The following CDC14A variants were observed in gnomAD, a reference collection of about 807,000 sequenced individuals.
The protein encoded by CDC14A is dual specificity protein phosphatase CDC14A.
Under a neutral mutation model 74.4 loss-of-function variants are expected in CDC14A, and 53 were observed. That is an observed-to-expected ratio of 0.71 (90% CI 0.57 to 0.89). CDC14A has a LOEUF of 0.89. CDC14A is among the 40% of genes least tolerant of loss of function. CDC14A has a pLI of 0.00. For missense variants in CDC14A, 646 were observed against 713.7 expected (o/e 0.91, Z 1.08); for synonymous variants, 247 against 258.4 (o/e 0.96, Z 0.43).
intron 3 of CDC14A, among the ~76,000 whole-genome samples, chr1:100,383,903 T>C (rs1322645447): frequency 6.6e-6 from 1 of 152,216 alleles, no homozygotes; most frequent in Non-Finnish European, 1.5e-5. Context: ...TCTTTTTTTT[T>C]TTTGGCTTTG....
chr1:100,429,720 T>C (rs1663415281), intron 5 of CDC14A, among the ~76,000 whole-genome samples: 1 of 143,850 alleles, frequency 7.0e-6, no homozygotes, highest in Non-Finnish European at 1.5e-5. Context: ...TATTTATATA[T>C]ATATTATATA....
intron 8 of CDC14A, among the ~76,000 whole-genome samples, chr1:100,456,611 C>T (rs1666721051): frequency 6.6e-6 from 1 of 151,244 alleles, no homozygotes; most frequent in African/African-American, 2.4e-5. Context: ...TCAAGACCAG[C>T]CTCGGCAACA....
chr1:100,424,201 GT>G lies in CDC14A; in HGVS notation c.310-19del. 1 of 1,566,468 alleles carries G rather than the reference GT, an allele frequency of 6.4e-7. No homozygotes were observed. Among genetic ancestry groups the G allele is most frequent in the Non-Finnish European group, 8.8e-7 (1 of 1,136,864 alleles). ...TGTGTCATTCTTGGGTGTTCTAAATGTTACTATTTATCTGTCTTAGGTAATC... is the reference window on the plus strand; with the variant it reads ...TGTGTCATTCTTGGGTGTTCTAAATGTACTATTTATCTGTCTTAGGTAATC... On this transcript the variant is annotated intron_variant, in intron 4 of 15. Transcript: ENST00000336454.
At chr1:100,492,021 G>GAGGAAGTA (rs1458655228) in intron 11 of CDC14A, among the ~76,000 whole-genome samples, 1 of 152,072 alleles carries the variant, frequency 6.6e-6, no homozygotes, top group Admixed American at 6.5e-5. Flanking sequence ...AACTTGAGGG[G>GAGGAAGTA]AGGAAGTAAA....
chr1:100,374,710 T>A (rs1457983270), intron 2 of CDC14A, among the ~76,000 whole-genome samples: 1 of 152,212 alleles, frequency 6.6e-6, no homozygotes, highest in Non-Finnish European at 1.5e-5. Flanking sequence ...ATTGGCAGAT[T>A]TTATGTAATG....
chr1:100,514,484 T>C (rs1230415011), intron 15 of CDC14A, among the ~76,000 whole-genome samples: 1 of 152,206 alleles, frequency 6.6e-6, no homozygotes, highest in Non-Finnish European at 1.5e-5. Context: ...TCATTATTTG[T>C]CTATGTTAGG....
At chr1:100,471,222 T>G (rs1332989517) in intron 10 of CDC14A, among the ~76,000 whole-genome samples, 1 of 152,000 alleles carries the variant, frequency 6.6e-6, no homozygotes, top group Non-Finnish European at 1.5e-5. Context: ...AAAACCATTC[T>G]GTGGTGATAG....
At chr1:100,469,986 C>A (rs1436169514) in intron 10 of CDC14A, among the ~76,000 whole-genome samples, 1 of 152,074 alleles carries the variant, frequency 6.6e-6, no homozygotes, top group Admixed American at 6.6e-5. Context: ...CTCAAGAAAA[C>A]AACTTAATAT....
intron 10 of CDC14A, among the ~76,000 whole-genome samples, chr1:100,482,369 C>A (rs987484846): frequency 4.6e-5 from 7 of 152,134 alleles, no homozygotes; most frequent in Non-Finnish European, 7.4e-5. Context: ...TTAAACAATT[C>A]ATGTTCATAA....
intron 3 of CDC14A, among the ~76,000 whole-genome samples, chr1:100,385,798 A>G (rs1262325228): frequency 6.6e-6 from 1 of 152,136 alleles, no homozygotes; most frequent in Non-Finnish European, 1.5e-5. Context: ...ATTGCTTTGG[A>G]TAATGGTGGA....
chr1:100,374,627 AAT>A (rs1654979041), intron 2 of CDC14A, among the ~76,000 whole-genome samples: 2 of 152,142 alleles, frequency 1.3e-5, no homozygotes, highest in East Asian at 3.8e-4. Context: ...TAAATTTCAA[AAT>A]ATTACCAACC....
chr1:100,424,192 G>A, intron 4 of CDC14A, 30 bp from the exon 5 acceptor site: 3 of 1,517,618 alleles, frequency 2.0e-6, no homozygotes, highest in Non-Finnish European at 2.7e-6. Context: ...ATTCTTGGGT[G>A]TTCTAAATGT....
At chr1:100,357,464 C>G (rs190713765) in intron 2 of CDC14A, among the ~76,000 whole-genome samples, 25 of 152,076 alleles carry the variant, frequency 1.6e-4, no homozygotes, top group Admixed American at 7.9e-4. Context: ...TCTAGTAACC[C>G]GGGCTCTGTC....
chr1:100,514,388 T>A (rs2101483946), intron 15 of CDC14A, among the ~76,000 whole-genome samples: 1 of 152,300 alleles, frequency 6.6e-6, no homozygotes, highest in South Asian at 2.1e-4. Flanking sequence ...CTGATGAAAA[T>A]CATTCAAAAA....
intron 2 of CDC14A, among the ~76,000 whole-genome samples, chr1:100,368,913 G>A (rs1271738516): frequency 2.0e-5 from 3 of 152,286 alleles, no homozygotes; most frequent in Admixed American, 2.0e-4. Context: ...TTGCTGCAAA[G>A]ATAGAACGAT....
At chr1:100,364,529 A>G (rs1016546236) in intron 2 of CDC14A, among the ~76,000 whole-genome samples, 2 of 152,110 alleles carry the variant, frequency 1.3e-5, no homozygotes, top group African/African-American at 2.4e-5. Flanking sequence ...CTCACCACAA[A>G]TTTTAGAGTA....
intron 2 of CDC14A, among the ~76,000 whole-genome samples, chr1:100,374,604 G>T (rs886517781): frequency 6.6e-6 from 1 of 151,974 alleles, no homozygotes; most frequent in Non-Finnish European, 1.5e-5. Context: ...TAAATTTGGT[G>T]CCACCTGTAA....
chr1:100,367,606 TTAAGA>T (rs1557685250), intron 2 of CDC14A, among the ~76,000 whole-genome samples: 2 of 152,354 alleles, frequency 1.3e-5, no homozygotes, highest in East Asian at 1.9e-4. Context: ...TCAAATGACC[TTAAGA>T]TAAGATAGAG....
intron 11 of CDC14A, among the ~76,000 whole-genome samples, chr1:100,494,038 A>G (rs1209182350): frequency 1.3e-5 from 2 of 152,222 alleles, no homozygotes; most frequent in African/African-American, 4.8e-5. Flanking sequence ...ACAGTGTGCT[A>G]TGGCATATAT....
Sources: gnomAD v4.1 joint callset for allele counts (sites outside exome capture counted in the v4.1 genomes callset) on GRCh38, gnomAD v4.1.1 for gene constraint, MANE v1.5 for transcripts, NCBI Gene and HGNC (gene_info 2026-07-23, HGNC 2026-07-21) for gene names.